Variants in UGT1A4 observed in about 807,000 individuals in gnomAD.
UGT1A4 encodes UDP glucuronosyltransferase family 1 member A4, also known as UDP-glucuronosyltransferase 1A4.
UGT1A4 carries 32 observed loss-of-function variants against 41.1 expected under a neutral mutation model. The ratio of observed to expected loss-of-function variants is 0.78; its 90% confidence interval spans 0.59 to 1.05. UGT1A4 has a LOEUF of 1.05. Among genes scored for constraint, UGT1A4 ranks in the 50% least tolerant of loss-of-function variants. The pLI is 0.00. For missense variants in UGT1A4, 748 were observed against 677.4 expected (o/e 1.10, Z -1.16); for synonymous variants, 283 against 265.1 (o/e 1.07, Z -0.66).
rs1385848693 is a variant in UGT1A4 at position 233,725,062 on chromosome 2, C to G, written c.867+5375C>G. On this transcript the variant is annotated intron_variant, in intron 1 of 4. Transcript: ENST00000373409. ...ACCAGTCAGGCGTGGCGGCGCGCGC[C>G]TGCAATCGCAGGCACTCGGCAGGCT... 1.4e-5 allele frequency among the ~76,000 whole-genome samples: 2 copies of G among 147,098 alleles called. 1 individual carries two copies. Among genetic ancestry groups the G allele is most frequent in the East Asian group, 4.2e-4 (2 of 4,760 alleles).
chr2:233,719,580 G>C lies in UGT1A4; in HGVS notation c.760G>C (p.Val254Leu). 6.2e-7 allele frequency: 1 copy of C among 1,613,916 alleles called. No homozygotes were observed. Among genetic ancestry groups the C allele is most frequent in the Non-Finnish European group, 8.5e-7 (1 of 1,179,884 alleles). Residue 254 changes from valine (V) to leucine (L), a missense_variant, in exon 1 of 5, where the codon GTG becomes CTG. By Grantham distance (32) the Val-to-Leu change is conservative. Coordinates refer to ENST00000373409, the MANE Select transcript of UGT1A4 (RefSeq NM_007120.3). ...SVVDLVSYASVWLFRGDFVMD... is the reference protein window; with the variant it reads ...SVVDLVSYASLWLFRGDFVMD... ...GGTGGATCTTGTCAGCTATGCATCC[G>C]TGTGGCTGTTCCGAGGGGACTTTGT... is the stretch of plus-strand genomic sequence containing the variant.
chr2:233,743,988 C>A (rs893316227), intron 1 of UGT1A4: 2 of 1,273,412 alleles, frequency 1.6e-6, no homozygotes, highest in Non-Finnish European at 1.0e-6. Flanking sequence ...CAGGCGCAGG[C>A]CCGAGTGCTC....
chr2:233,766,832 C>T (rs1042829925), intron 1 of UGT1A4, among the ~76,000 whole-genome samples: 12 of 152,168 alleles, frequency 7.9e-5, no homozygotes, highest in African/African-American at 2.9e-4. Context: ...ATTCTGTAAG[C>T]AGGAACCCTT....
intron 1 of UGT1A4, chr2:233,753,586 C>G (rs1242811464): frequency 6.6e-6 from 1 of 152,168 alleles, no homozygotes; most frequent in Admixed American, 6.5e-5. Context: ...GATGGACTAC[C>G]CCAAGGCAAT....
intron 1 of UGT1A4, among the ~76,000 whole-genome samples, chr2:233,765,979 G>A (rs1451312439): frequency 1.3e-5 from 2 of 152,138 alleles, no homozygotes; most frequent in Non-Finnish European, 2.9e-5. Flanking sequence ...GATGTTTACA[G>A]CTCCTGAAGC....
At chr2:233,743,389 C>G (rs1429272187) in intron 1 of UGT1A4, 2 of 1,242,542 alleles carry the variant, frequency 1.6e-6, no homozygotes, top group Non-Finnish European at 2.1e-6. Context: ...GTAGGACATG[C>G]AGAAGGAAGA....
chr2:233,747,371 C>G (rs757857857), intron 1 of UGT1A4: 19 of 1,604,150 alleles, frequency 1.2e-5, no homozygotes, highest in Non-Finnish European at 1.5e-5. Flanking sequence ...AGCTCCATGC[C>G]AGAGGCCACC....
Position 233,719,559 on chromosome 2 carries a change from G to A in UGT1A4, c.739G>A (p.Asp247Asn), listed in dbSNP as rs2076780639. 2 of 1,613,878 alleles carry A rather than the reference G, an allele frequency of 1.2e-6. No individual in the cohort carries two copies. The highest frequency in any genetic ancestry group is 1.7e-6 in the Non-Finnish European group (2 of 1,179,864). ...ELFQREVSVVDLVSYASVWLF... is the reference protein window; with the variant it reads ...ELFQREVSVVNLVSYASVWLF... ...TTTTCAGAGAGAGGTGTCAGTGGTG[G>A]ATCTTGTCAGCTATGCATCCGTGTG... The change falls in exon 1 of 5, where the codon GAT becomes AAT. Residue 247 changes from aspartate to asparagine, a missense_variant. Asp to Asn is a conservative substitution (Grantham distance 23, BLOSUM62 1). Transcript: ENST00000373409.
chr2:233,757,071 A>G (rs1696390721), intron 1 of UGT1A4, among the ~76,000 whole-genome samples: 1 of 151,466 alleles, frequency 6.6e-6, no homozygotes. Context: ...GGGATCCAGA[A>G]TGGCTAGAGG....
At chr2:233,729,752 A>G in intron 1 of UGT1A4, 1 of 1,614,000 alleles carries the variant, frequency 6.2e-7, no homozygotes, top group African/African-American at 1.3e-5. Context: ...ACATTCATGC[A>G]AAGGGTCAAG....
intron 2 of UGT1A4, 53 bp downstream of exon 2, chr2:233,767,218 C>A: frequency 6.2e-7 from 1 of 1,611,886 alleles, no homozygotes; most frequent in South Asian, 1.1e-5. Context: ...GAGCGCTAAT[C>A]CCAGACTTCC....
rs530894832 is a variant in UGT1A4, at chr2:233,736,505, A to T, written c.867+16818A>T. 2.0e-5 allele frequency among the ~76,000 whole-genome samples: 3 copies of T among 152,320 alleles called. No individual in the cohort carries two copies. The East Asian group carries it at 5.8e-4, about 29-fold the overall frequency. On this transcript the variant is annotated intron_variant, in intron 1 of 4. Transcript: ENST00000373409. ...TGTTACTACCAAACTTCTGAAGCCT[A>T]CTTCTGTCAACTCGTCAAAGTCATT... is the stretch of plus-strand genomic sequence containing the variant.
rs751408172 is a variant in UGT1A4, at chr2:233,768,227, G to C, written c.1095G>C (p.Pro365=). Residue 365 remains proline, a synonymous_variant, in exon 4 of 5, where the codon CCG becomes CCC. Coordinates refer to ENST00000373409, the MANE Select transcript of UGT1A4 (RefSeq NM_007120.3). ...CCCTATTTTGCATCTCAGGTCACCCGATGACCCGTGCCTTTATCACCCATG... is the reference window on the plus strand; with the variant it reads ...CCCTATTTTGCATCTCAGGTCACCCCATGACCCGTGCCTTTATCACCCATG... ...WLPQNDLLGH[P]MTRAFITHAG... The C allele has an allele frequency of 5.0e-6, 8 of 1,614,014 alleles. No homozygotes were observed. The African/African-American group carries it at 8.0e-5, about 16-fold the overall frequency.
intron 1 of UGT1A4, chr2:233,729,068 A>C: frequency 6.2e-7 from 1 of 1,611,394 alleles, no homozygotes. Context: ...AGATGAAGAA[A>C]GCAAATGTAG....
At chr2:233,757,220 A>C (rs1182388011) in intron 1 of UGT1A4, among the ~76,000 whole-genome samples, 1 of 147,936 alleles carries the variant, frequency 6.8e-6, no homozygotes, top group Non-Finnish European at 1.5e-5. Flanking sequence ...GCTGCTGACC[A>C]AGGTTCCAGA....
intron 1 of UGT1A4, among the ~76,000 whole-genome samples, chr2:233,738,129 C>A (rs546300449): frequency 1.3e-3 from 203 of 152,182 alleles, no homozygotes; most frequent in African/African-American, 4.7e-3. Flanking sequence ...TATAAGGGGC[C>A]CTTATCCCTT....
At chr2:233,771,873 A>C (rs912640618) in intron 4 of UGT1A4, among the ~76,000 whole-genome samples, 1 of 150,972 alleles carries the variant, frequency 6.6e-6, no homozygotes, top group African/African-American at 2.4e-5. Context: ...ACATTTATTA[A>C]GAATAAGTTT....
chr2:233,769,675 G>A lies in UGT1A4; in HGVS notation c.1307+1236G>A, dbSNP rs1044597905. 16 of 1,578,848 alleles carry A rather than the reference G, an allele frequency of 1.0e-5. No homozygotes were observed. The highest frequency in any genetic ancestry group is 1.4e-5 in the Non-Finnish European group (16 of 1,162,352). ...CTTCCCACCTTTGAGGTGCTAATGT[G>A]TGTGTGGTGGCACTGGATAAAAGAT... On this transcript the variant is annotated intron_variant, in intron 4 of 4. Coordinates refer to ENST00000373409, the MANE Select transcript of UGT1A4 (RefSeq NM_007120.3). The surrounding 1 kb of genome is among the most constrained non-coding windows in gnomAD (Gnocchi z 4.4).
chr2:233,769,637 G>A lies in UGT1A4; in HGVS notation c.1307+1198G>A. The A allele has an allele frequency of 6.2e-7, 1 of 1,610,100 alleles. No individual in the cohort carries two copies. Among genetic ancestry groups the A allele is most frequent in the Non-Finnish European group, 8.5e-7 (1 of 1,178,598 alleles). On this transcript the variant is annotated intron_variant, in intron 4 of 4. Transcript: ENST00000373409. This position sits in a 1 kb window ranked among gnomAD's most constrained non-coding sequence, Gnocchi z 4.4. ...GCTTGAGCAAGGGACAACAGGGGAG[G>A]ACTGATGACTGACTTCCCACCTTTG... is the stretch of plus-strand genomic sequence containing the variant.
Sources: allele counts gnomAD v4.1 joint callset (sites outside exome capture counted in the v4.1 genomes callset), GRCh38; gene constraint gnomAD v4.1.1; non-coding constraint Gnocchi (gnomAD v3.1); transcripts MANE v1.5; gene names NCBI Gene and HGNC (gene_info 2026-07-23, HGNC 2026-07-21).